The following TENM1 variants were observed in gnomAD, a reference collection of about 807,000 sequenced individuals.
TENM1 encodes the protein teneurin transmembrane protein 1.
A neutral mutation model predicts 174.8 loss-of-function variants in TENM1; 35 were observed. The observed-to-expected ratio is 0.20, with a 90% CI of 0.15 to 0.27. The LOEUF is 0.27. Ranked by LOEUF, TENM1 falls within the 10% of genes least tolerant of loss-of-function variation. TENM1 has a pLI of 1.00. For synonymous variants in TENM1, 781 were observed against 798.7 expected, an observed-to-expected ratio of 0.98 and a Z score of 0.37; for missense variants, 1,633 against 2,130.1, an observed-to-expected ratio of 0.77 and a Z score of 4.59.
chrX:124,973,226 T>C, the TENM1 span, among the ~76,000 whole-genome samples: 3 of 111,619 alleles, frequency 2.7e-5, no homozygotes, highest in African/African-American at 9.8e-5. Context: ...ATGTGTAGCA[T>C]TATTTCTGAG....
chrX:124,645,785 AAC>A (rs766623933), intron 9 of TENM1, among the ~76,000 whole-genome samples: 146 of 112,439 alleles, frequency 1.3e-3, no homozygotes, highest in African/African-American at 4.3e-3. Context: ...CTGTTCCTAT[AAC>A]ACATTGTGCA....
chrX:124,641,071 T>G (rs1452825222), intron 11 of TENM1, among the ~76,000 whole-genome samples: 1 of 109,502 alleles, frequency 9.1e-6, no homozygotes, highest in Non-Finnish European at 1.9e-5. Flanking sequence ...TTTCACTAGG[T>G]GGAAGTACAA....
chrX:124,381,044 G>C, exon 32 of TENM1: 5 of 1,211,714 alleles, frequency 4.1e-6, no homozygotes, highest in Non-Finnish European at 5.6e-6. Context: ...CAGGTAATGG[G>C]CATTATTGAG....
intron 16 of TENM1, among the ~76,000 whole-genome samples, chrX:124,528,790 T>G (rs977884787): frequency 9.0e-6 from 1 of 111,174 alleles, no homozygotes. Flanking sequence ...CAATATAATT[T>G]ATACATAAAT....
intron 14 of TENM1, among the ~76,000 whole-genome samples, chrX:124,558,969 T>G (rs1002860735): frequency 8.9e-6 from 1 of 112,104 alleles, no homozygotes; most frequent in African/African-American, 3.2e-5. Flanking sequence ...GTCTTCTGAA[T>G]CTACATAGAC....
At chrX:124,747,672 T>TGA (rs2053955439) in intron 3 of TENM1, among the ~76,000 whole-genome samples, 1 of 109,695 alleles carries the variant, frequency 9.1e-6, no homozygotes, top group South Asian at 4.1e-4. Context: ...GGTGAGATGC[T>TGA]GAGAGGGACA....
intron 11 of TENM1, among the ~76,000 whole-genome samples, chrX:124,589,904 T>G (rs892381161): frequency 1.8e-5 from 2 of 111,488 alleles, no homozygotes; most frequent in African/African-American, 6.5e-5. Context: ...ATTTTTGAGT[T>G]TAATTTATTC....
chrX:124,520,433 T>G lies in TENM1; in HGVS notation c.3301+84A>C, dbSNP rs1246360994. The G allele has an allele frequency of 2.5e-5, 24 of 955,776 alleles. 1 individual carries two copies. The highest frequency in any genetic ancestry group is 3.3e-5 in the Non-Finnish European group (23 of 699,218). 78.8% of individuals were successfully genotyped at this position (955,776 alleles called of 1,213,427 possible). ...TTAAACAGAAGAAAATCAGTAATTATTCCAAATACAAATTAACATGTAACA... is the reference window on the plus strand; with the variant it reads ...TTAAACAGAAGAAAATCAGTAATTAGTCCAAATACAAATTAACATGTAACA... On this transcript the variant is annotated intron_variant, in intron 18 of 31. Coordinates refer to ENST00000422452, the Ensembl canonical transcript of TENM1.
At chrX:124,563,828 C>G in intron 12 of TENM1, 56 bp from the exon 16 acceptor site, 1 of 1,054,708 alleles carries the variant, frequency 9.5e-7, no homozygotes, top group Non-Finnish European at 1.3e-6. Flanking sequence ...TAAAGCTATA[C>G]AATATGTACT....
intron 1 of TENM1, among the ~76,000 whole-genome samples, chrX:124,959,277 A>G (rs188656724): frequency 8.9e-6 from 1 of 111,805 alleles, no homozygotes; most frequent in East Asian, 2.8e-4. Flanking sequence ...AAAGGGGTAC[A>G]TATTTTCCCT....
intron 27 of TENM1, among the ~76,000 whole-genome samples, chrX:124,399,823 T>A (rs2060379744): frequency 9.0e-6 from 1 of 110,917 alleles, no homozygotes; most frequent in Non-Finnish European, 1.9e-5. Context: ...AAAACAAAAA[T>A]TAGCCGAGCA....
At chrX:124,543,908 G>GA (rs2048375380) in intron 15 of TENM1, among the ~76,000 whole-genome samples, 1 of 112,263 alleles carries the variant, frequency 8.9e-6, no homozygotes, top group African/African-American at 3.2e-5. Flanking sequence ...GTCTCTCTTG[G>GA]TTGCACAAGG....
the TENM1 span, among the ~76,000 whole-genome samples, chrX:125,104,159 C>A: frequency 8.9e-6 from 1 of 111,779 alleles, no homozygotes; most frequent in Non-Finnish European, 1.9e-5. Context: ...AATCTTTAAT[C>A]TGCCAGCTTT....
chrX:124,400,747 G>A (rs1457369368), intron 27 of TENM1, among the ~76,000 whole-genome samples: 2 of 112,105 alleles, frequency 1.8e-5, no homozygotes, highest in Admixed American at 9.4e-5. Context: ...CAAACTGGAT[G>A]TAGTTCCTAA....
At chrX:124,982,208 A>G in the TENM1 span, among the ~76,000 whole-genome samples, 2 of 48,091 alleles carry the variant, frequency 4.2e-5, no homozygotes, top group East Asian at 8.2e-4. Context: ...CTCTAAAAAA[A>G]TGTACTAAGT....
chrX:125,184,022 TA>T, the TENM1 span, among the ~76,000 whole-genome samples: 1 of 111,959 alleles, frequency 8.9e-6, no homozygotes, highest in African/African-American at 3.2e-5. Context: ...ATGAGAAACG[TA>T]TTACTAATAT....
At chrX:125,130,884 G>A in the TENM1 span, among the ~76,000 whole-genome samples, 1 of 111,335 alleles carries the variant, frequency 9.0e-6, no homozygotes, top group African/African-American at 3.3e-5. Flanking sequence ...GGATAGGGGA[G>A]ACACTCGGTA....
At chrX:124,925,321 G>A (rs896014682) in intron 1 of TENM1, among the ~76,000 whole-genome samples, 2 of 110,537 alleles carry the variant, frequency 1.8e-5, no homozygotes, top group Non-Finnish European at 3.8e-5. Context: ...AAATTACTTG[G>A]ATTTTAAAGG....
exon 24 of TENM1, chrX:124,422,499 A>G (rs2060665578): frequency 8.3e-7 from 1 of 1,208,922 alleles, no homozygotes; most frequent in African/African-American, 1.8e-5. Context: ...GATGCCTGGC[A>G]CCTGGCAGTG....
Sources: allele counts gnomAD v4.1 joint callset (sites outside exome capture counted in the v4.1 genomes callset), GRCh38; gene constraint gnomAD v4.1.1; transcripts MANE v1.5; gene names NCBI Gene and HGNC (gene_info 2026-07-23, HGNC 2026-07-21).